SDC1: variants seen among roughly 807,000 people sequenced by gnomAD.
SDC1 encodes syndecan 1.
Under a neutral mutation model 29.7 loss-of-function variants are expected in SDC1, and 14 were observed. That is an observed-to-expected ratio of 0.47 (90% CI 0.31 to 0.74). The LOEUF is 0.74. SDC1 is among the 30% of genes least tolerant of loss of function. The pLI, the probability that SDC1 is intolerant of heterozygous loss-of-function variation, is 0.05. For synonymous variants in SDC1, 204 were observed against 175.5 expected (o/e 1.16, Z -1.29); for missense variants, 406 against 400.3 (o/e 1.01, Z -0.12).
chr2:20,223,322 A>G (rs1412591080), intron 1 of SDC1: 3 of 1,286,876 alleles, frequency 2.3e-6, no homozygotes, highest in Non-Finnish European at 3.0e-6. Context: ...ACTGGCAGCT[A>G]CTACACGAGG....
intron 1 of SDC1, among the ~76,000 whole-genome samples, chr2:20,209,385 T>C (rs1359737602): frequency 6.6e-6 from 1 of 152,054 alleles, no homozygotes. Flanking sequence ...TGCCATCCCC[T>C]TCTCTCTCCC....
At chr2:20,212,169 C>T (rs867150793) in intron 1 of SDC1, among the ~76,000 whole-genome samples, 1 of 152,212 alleles carries the variant, frequency 6.6e-6, no homozygotes, top group African/African-American at 2.4e-5. Context: ...TCTCCAAATG[C>T]CCCCTCCTCA....
At chr2:20,205,969 A>AAGGGGC (rs899007634) in intron 1 of SDC1, among the ~76,000 whole-genome samples, 2 of 152,198 alleles carry the variant, frequency 1.3e-5, no homozygotes, top group African/African-American at 4.8e-5. Flanking sequence ...AGGACGGCAC[A>AAGGGGC]AGGGGCAGGG....
rs1231747376 is a variant in SDC1 at position 20,203,844 on chromosome 2, T to C, written c.596A>G (p.Gln199Arg). 1.2e-6 allele frequency: 2 copies of C among 1,602,018 alleles called. No homozygotes were observed. The highest frequency in any genetic ancestry group is 2.7e-5 in the African/African-American group (2 of 73,694). ...CCCAGAGCCCTCTGCTGCTGGGAGC[T>C]GACTGGAGGCTCCATCCTCAGCAGC... The part of the protein sequence containing the change: ...ERAAEDGASS[Q>R]LPAAEGSGEQ... The change falls in exon 3 of 5, where the codon CAG (glutamine) becomes CGG (arginine). Residue 199 changes from glutamine (Q) to arginine (R), a missense_variant. Transcript: ENST00000254351.
chr2:20,220,890 A>C (rs181891377), intron 1 of SDC1, among the ~76,000 whole-genome samples: 38 of 152,366 alleles, frequency 2.5e-4, no homozygotes, highest in Admixed American at 2.3e-3. Context: ...GCATGACCGA[A>C]GCTGAGAGTA....
At chr2:20,206,564 A>T (rs944681572) in intron 1 of SDC1, among the ~76,000 whole-genome samples, 2 of 152,088 alleles carry the variant, frequency 1.3e-5, no homozygotes, top group South Asian at 4.1e-4. Context: ...CACCTGCGAG[A>T]CTTAGACCCA....
chr2:20,221,916 C>T (rs1677833641), intron 1 of SDC1, among the ~76,000 whole-genome samples: 1 of 152,164 alleles, frequency 6.6e-6, no homozygotes, highest in Non-Finnish European at 1.5e-5. Flanking sequence ...AGTGCCTCCC[C>T]CCATACCCTC....
intron 1 of SDC1, chr2:20,207,576 G>C (rs949892972): frequency 6.0e-6 from 1 of 167,034 alleles, no homozygotes; most frequent in African/African-American, 2.4e-5. Context: ...ATGGTGGTGC[G>C]GGCCTATAGT....
At chr2:20,208,130 G>T (rs1677339860) in intron 1 of SDC1, 3 of 985,398 alleles carry the variant, frequency 3.0e-6, no homozygotes, top group Middle Eastern at 1.0e-3. Flanking sequence ...CAACAATGAG[G>T]CAACCGAAGC....
At chr2:20,209,873 G>A (rs1677404255) in intron 1 of SDC1, among the ~76,000 whole-genome samples, 1 of 152,240 alleles carries the variant, frequency 6.6e-6, no homozygotes. Context: ...ATCTCAGACA[G>A]GTTCGACGGG....
chr2:20,218,690 C>T (rs960766673), intron 1 of SDC1, among the ~76,000 whole-genome samples: 4 of 151,434 alleles, frequency 2.6e-5, no homozygotes, highest in Non-Finnish European at 5.9e-5. Flanking sequence ...CACACGGACG[C>T]ACACAAACAC....
intron 1 of SDC1, among the ~76,000 whole-genome samples, chr2:20,205,957 C>T (rs145402934): frequency 6.6e-5 from 10 of 152,310 alleles, no homozygotes; most frequent in African/African-American, 1.7e-4. Flanking sequence ...GTGTGGATAC[C>T]GAGGACGGCA....
intron 1 of SDC1, among the ~76,000 whole-genome samples, chr2:20,209,702 G>A (rs933956915): frequency 1.3e-5 from 2 of 152,244 alleles, no homozygotes; most frequent in South Asian, 2.1e-4. Context: ...TTTCGCTCCC[G>A]TAACAGAGGT....
intron 1 of SDC1, among the ~76,000 whole-genome samples, chr2:20,208,909 T>C (rs1200924703): frequency 6.6e-6 from 1 of 152,254 alleles, no homozygotes; most frequent in African/African-American, 2.4e-5. Context: ...CCACTCATTC[T>C]GTTGTTCAAA....
chr2:20,203,352 C>T (rs1677110355), intron 3 of SDC1, 130 bp from the exon 4 acceptor site: 3 of 1,100,222 alleles, frequency 2.7e-6, no homozygotes, highest in Non-Finnish European at 3.8e-6. Context: ...TGCACCCAAA[C>T]CAGGATCGCA....
At chr2:20,222,629 G>A (rs1193241975) in intron 1 of SDC1, among the ~76,000 whole-genome samples, 1 of 152,030 alleles carries the variant, frequency 6.6e-6, no homozygotes, top group Non-Finnish European at 1.5e-5. Context: ...TTCCCCTTTT[G>A]AGACTCTCCT....
chr2:20,212,543 G>C (rs886190829), intron 1 of SDC1, among the ~76,000 whole-genome samples: 4 of 152,210 alleles, frequency 2.6e-5, no homozygotes, highest in Admixed American at 6.5e-5. Flanking sequence ...CTCCAGACCC[G>C]AAATCCCCCA....
intron 1 of SDC1, 96 bp from the exon 2 acceptor site, chr2:20,205,520 C>T (rs925062601): frequency 2.1e-6 from 2 of 964,180 alleles, no homozygotes; most frequent in African/African-American, 3.2e-5. Flanking sequence ...CTCACCCTAC[C>T]CTGTGCTGCA....
chr2:20,223,382 T>C (rs1677882423), intron 1 of SDC1: 1 of 980,658 alleles, frequency 1.0e-6, no homozygotes, highest in Non-Finnish European at 1.4e-6. Context: ...GATGCCACAT[T>C]AGCAGTGGAG....
Sources: allele counts gnomAD v4.1 joint callset (sites outside exome capture counted in the v4.1 genomes callset), GRCh38; gene constraint gnomAD v4.1.1; transcripts MANE v1.5; gene names NCBI Gene and HGNC (gene_info 2026-07-23, HGNC 2026-07-21).